ASXL1: variants seen among roughly 807,000 people sequenced by gnomAD.
The protein encoded by ASXL1 is polycomb group protein ASXL1.
A neutral mutation model predicts 89.1 loss-of-function variants in ASXL1; 65 were observed. That is an observed-to-expected ratio of 0.73 (90% CI 0.60 to 0.90). The LOEUF is 0.90. Ranked by LOEUF, ASXL1 falls within the 40% of genes least tolerant of loss-of-function variation. ASXL1 has a pLI of 0.00. For missense variants in ASXL1, 1,786 were observed against 1,942.9 expected, an observed-to-expected ratio of 0.92 and a Z score of 1.52; for synonymous variants, 739 against 746.9, an observed-to-expected ratio of 0.99 and a Z score of 0.17.
chr20:32,407,990 T>C (rs2048983806), intron 4 of ASXL1, among the ~76,000 whole-genome samples: 2 of 152,150 alleles, frequency 1.3e-5, no homozygotes, highest in South Asian at 4.1e-4. Context: ...CAGGCTGGAG[T>C]GCAGTGGCAC....
Position 32,437,118 on chromosome 20 carries a change from G to C in ASXL1, c.4406G>C (p.Gly1469Ala). ...SSPTFPKGLA[G>A]SVVQLSHKAN... ...CCCACCTTTCCCAAAGGCCTTGCTG[G>C]AAGTGTGGTGCAGCTGAGCCACAAA... Residue 1469 changes from glycine to alanine, a missense_variant, in exon 13 of 13, where the codon GGA becomes GCA. Gly to Ala is a moderately conservative substitution (Grantham distance 60). Around this residue, in one of 3 missense-constraint regions of ASXL1, gnomAD observed 1,418 missense variants for 1,427.8 expected, o/e 0.99. Coordinates refer to ENST00000375687, the MANE Select transcript of ASXL1 (RefSeq NM_015338.6). The C allele has an allele frequency of 6.2e-7, 1 of 1,614,170 alleles. No individual in the cohort carries two copies. The highest frequency in any genetic ancestry group is 8.5e-7 in the Non-Finnish European group (1 of 1,180,036).
intron 4 of ASXL1, among the ~76,000 whole-genome samples, chr20:32,396,992 CAAAA>C (rs1302236034): frequency 9.5e-6 from 1 of 105,002 alleles, no homozygotes; most frequent in African/African-American, 3.3e-5. Context: ...TTAAACATTG[CAAAA>C]AAAAAAAACA....
intron 4 of ASXL1, 147 bp from the exon 5 acceptor site, chr20:32,427,981 G>T: frequency 3.6e-6 from 4 of 1,118,416 alleles, no homozygotes; most frequent in Non-Finnish European, 3.9e-6. Context: ...AAAAGAACTT[G>T]CTGAGAAAAA....
At chr20:32,428,570 G>A (rs2011406176) in intron 6 of ASXL1, 148 bp downstream of exon 6, 2 of 772,080 alleles carry the variant, frequency 2.6e-6, no homozygotes, top group Non-Finnish European at 4.4e-6. Context: ...TTTAACAGGG[G>A]GCCGCAGGAA....
chr20:32,384,198 GTTTTTTT>G (rs71187115), intron 4 of ASXL1, among the ~76,000 whole-genome samples: 1 of 77,302 alleles, frequency 1.3e-5, no homozygotes, highest in African/African-American at 4.7e-5. Flanking sequence ...GCAGCAGTCT[GTTTTTTT>G]TTTTTTTTTT....
In ASXL1 at chr20:32,428,165, T is replaced by C. The variant is rs1363691379; in HGVS notation, c.290T>C (p.Val97Ala). The C allele has an allele frequency of 1.2e-6, 2 of 1,613,618 alleles. No homozygotes were observed. The highest frequency in any genetic ancestry group is 1.1e-5 in the South Asian group (1 of 91,032). The change falls in exon 5 of 13, where the codon GTG becomes GCG. Residue 97 changes from valine to alanine, a missense_variant. Val to Ala is a moderately conservative substitution (Grantham distance 64). Transcript: ENST00000375687. ...CAGTGGTCTCGCCATCCAGCTACAG[T>C]GGAGGGAGAGGAGCCAGAGGACACG... Reference protein sequence around the residue: ...ALQWSRHPATVEGEEPEDTAD... With the variant: ...ALQWSRHPATAEGEEPEDTAD...
chr20:32,403,495 G>C (rs2048909024), intron 4 of ASXL1, among the ~76,000 whole-genome samples: 1 of 152,140 alleles, frequency 6.6e-6, no homozygotes, highest in South Asian at 2.1e-4. Context: ...GTTCACTGCT[G>C]CCTGGAATTC....
chr20:32,412,594 A>T (rs146261013), intron 4 of ASXL1, among the ~76,000 whole-genome samples: 20 of 137,538 alleles, frequency 1.5e-4, no homozygotes, highest in African/African-American at 2.2e-4. Context: ...AAAGAAATAA[A>T]TTTTTTTTTT....
At chr20:32,378,948 C>T (rs1454763118) in intron 4 of ASXL1, among the ~76,000 whole-genome samples, 3 of 151,256 alleles carry the variant, frequency 2.0e-5, no homozygotes, top group South Asian at 2.1e-4. Context: ...GCTAACACGG[C>T]GAAGCCCTGT....
intron 4 of ASXL1, among the ~76,000 whole-genome samples, chr20:32,389,828 C>T (rs1303742052): frequency 1.3e-5 from 2 of 152,286 alleles, no homozygotes; most frequent in Non-Finnish European, 1.5e-5. Context: ...TTGGCCTCCC[C>T]AAGTGTTGGG....
In ASXL1 at chr20:32,359,075, G is replaced by A. The variant is rs912853556; in HGVS notation, c.57+243G>A. On this transcript the variant is annotated intron_variant, in intron 1 of 12. Transcript: ENST00000375687. ...CCGCCCCGCGCAGCTAAATTCCGGC[G>A]GAGGGGCGAGCTGGCAGGCCGGCTC... The A allele has an allele frequency of 1.3e-5, 8 of 596,294 alleles. No homozygotes were observed. In the African/African-American group the frequency reaches 1.5e-4, roughly 11 times the overall value. 36.9% of individuals were successfully genotyped at this position (596,294 alleles called of 1,614,324 possible). A position where few individuals can be genotyped will look rare whatever the true frequency, so the allele number is the denominator to read the frequency against.
chr20:32,431,323 C>A lies in ASXL1; in HGVS notation c.721C>A (p.Gln241Lys). ...LRGFRKPATGQMKRNRGEEID... is the reference protein window; with the variant it reads ...LRGFRKPATGKMKRNRGEEID... ...ATACCTTGCTTCAAAAATCATAGGT[C>A]AAATGAAGCGCAACAGAGGGGAAGA... Residue 241 changes from glutamine (Q) to lysine (K), a missense_variant and splice_region_variant, in exon 9 of 13, where the codon CAA becomes AAA. By Grantham distance (53) the Gln-to-Lys change is moderately conservative. Around this residue, in one of 3 missense-constraint regions of ASXL1, gnomAD observed 332 missense variants for 449.7 expected, o/e 0.74. Transcript: ENST00000375687. 1 of 1,614,180 alleles carries A rather than the reference C, an allele frequency of 6.2e-7. No individual in the cohort carries two copies. Among genetic ancestry groups the A allele is most frequent in the Non-Finnish European group, 8.5e-7 (1 of 1,180,038 alleles).
chr20:32,435,564 A>G lies in ASXL1; in HGVS notation c.2852A>G (p.Asp951Gly), dbSNP rs1162142245. Residue 951 changes from aspartate (D) to glycine (G), a missense_variant, in exon 13 of 13, where the codon GAT becomes GGT. Transcript: ENST00000375687. Reference protein sequence around the residue: ...PGDLTAEEGLDPLDSLTSLWT... With the variant: ...PGDLTAEEGLGPLDSLTSLWT... ...GATTTGACAGCTGAGGAGGGTCTAG[A>G]TCCTCTTGACAGCCTTACTTCACTC... The G allele has an allele frequency of 2.5e-6, 4 of 1,613,910 alleles. No individual in the cohort carries two copies. The highest frequency in any genetic ancestry group is 3.4e-6 in the Non-Finnish European group (4 of 1,180,038).
intron 4 of ASXL1, among the ~76,000 whole-genome samples, chr20:32,403,572 TC>T (rs2048909940): frequency 6.6e-6 from 1 of 151,978 alleles, no homozygotes; most frequent in Non-Finnish European, 1.5e-5. Context: ...ACACCACCAC[TC>T]CCAGCTAATT....
intron 4 of ASXL1, among the ~76,000 whole-genome samples, chr20:32,406,081 C>T (rs2048949710): frequency 6.6e-6 from 1 of 152,068 alleles, no homozygotes. Flanking sequence ...TGGGAAGGGG[C>T]TAAGGAATAT....
intron 4 of ASXL1, among the ~76,000 whole-genome samples, chr20:32,383,313 T>G (rs1404365510): frequency 2.0e-5 from 3 of 152,000 alleles, no homozygotes; most frequent in Admixed American, 2.0e-4. Context: ...TTTTCTTTTT[T>G]TTTTTTCTTT....
intron 4 of ASXL1, among the ~76,000 whole-genome samples, chr20:32,420,417 G>C (rs967888047): frequency 2.0e-5 from 3 of 151,924 alleles, no homozygotes; most frequent in African/African-American, 7.3e-5. Context: ...TGCCACATTC[G>C]TAGTGTCTTG....
At chr20:32,403,938 T>TAG (rs768424879) in intron 4 of ASXL1, among the ~76,000 whole-genome samples, 20 of 152,306 alleles carry the variant, frequency 1.3e-4, no homozygotes, top group Admixed American at 4.6e-4. Flanking sequence ...GATATTTTGA[T>TAG]ACAGGTATGC....
intron 4 of ASXL1, among the ~76,000 whole-genome samples, chr20:32,382,608 C>CAAA (rs11347237): frequency 8.0e-4 from 76 of 95,432 alleles, no homozygotes; most frequent in East Asian, 4.2e-3. Flanking sequence ...CTCGTCTCTA[C>CAAA]AAAAAAAAAA....
Sources: gnomAD v4.1 joint callset for allele counts (sites outside exome capture counted in the v4.1 genomes callset) on GRCh38, gnomAD v4.1.1 for gene constraint, gnomAD v4.1.1 regional missense constraint, MANE v1.5 for transcripts, NCBI Gene and HGNC (gene_info 2026-07-23, HGNC 2026-07-21) for gene names.